Variants in AK5 observed in about 807,000 individuals in gnomAD.
The protein encoded by AK5 is adenylate kinase 5, also known as adenylate kinase isoenzyme 5.
Under a neutral mutation model 69.5 loss-of-function variants are expected in AK5, and 27 were observed. That is an observed-to-expected ratio of 0.39 (90% CI 0.29 to 0.54). The LOEUF is 0.54. Among genes scored for constraint, AK5 ranks in the 20% least tolerant of loss-of-function variants. The pLI is 0.71. For missense variants in AK5, 531 were observed against 700.4 expected (o/e 0.76, Z 2.73); for synonymous variants, 260 against 244.4 (o/e 1.06, Z -0.60).
chr1:77,556,851 C>G (rs1217562515), intron 13 of AK5, among the ~76,000 whole-genome samples: 1 of 152,078 alleles, frequency 6.6e-6, no homozygotes, highest in Non-Finnish European at 1.5e-5. Context: ...GTTAAATATA[C>G]AGATTAAAGA....
At chr1:77,459,274 A>G (rs1378436876) in intron 8 of AK5, among the ~76,000 whole-genome samples, 1 of 152,132 alleles carries the variant, frequency 6.6e-6, no homozygotes, top group Non-Finnish European at 1.5e-5. Context: ...AACTCCTTAC[A>G]TGGATTATAC....
At chr1:77,440,369 A>G (rs952756265) in intron 8 of AK5, among the ~76,000 whole-genome samples, 2 of 152,134 alleles carry the variant, frequency 1.3e-5, no homozygotes, top group African/African-American at 4.8e-5. Flanking sequence ...CCTTATAAGT[A>G]GCTCTATGCT....
chr1:77,474,426 G>C (rs549694972), intron 8 of AK5, among the ~76,000 whole-genome samples: 1 of 152,146 alleles, frequency 6.6e-6, no homozygotes, highest in South Asian at 2.1e-4. Context: ...TTACCCTCTA[G>C]AGCCTTGGGG....
At chr1:77,557,064 TC>T (rs1294207749) in intron 13 of AK5, among the ~76,000 whole-genome samples, 3 of 150,214 alleles carry the variant, frequency 2.0e-5, no homozygotes, top group East Asian at 3.9e-4. Context: ...CCTCCCTACC[TC>T]CCCCCACATA....
chr1:77,309,880 A>G (rs1010357321), intron 5 of AK5, among the ~76,000 whole-genome samples: 4 of 151,716 alleles, frequency 2.6e-5, no homozygotes, highest in Non-Finnish European at 4.4e-5. Flanking sequence ...ATCTTATAAT[A>G]TTTTCTTTCA....
intron 10 of AK5, among the ~76,000 whole-genome samples, chr1:77,515,772 C>A (rs1425746189): frequency 6.6e-6 from 1 of 152,108 alleles, no homozygotes; most frequent in Admixed American, 6.5e-5. Context: ...TGAATGTGAC[C>A]GGGCACAGTG....
intron 10 of AK5, among the ~76,000 whole-genome samples, chr1:77,487,528 A>G (rs557754364): frequency 6.6e-6 from 1 of 152,338 alleles, no homozygotes. Flanking sequence ...CACCTCCTCA[A>G]TGAGTGGGAA....
chr1:77,525,366 A>G (rs185694952), intron 12 of AK5, among the ~76,000 whole-genome samples: 4 of 152,296 alleles, frequency 2.6e-5, no homozygotes, highest in Admixed American at 6.5e-5. Flanking sequence ...GGAATACCTG[A>G]GGCTGGGTAA....
chr1:77,515,076 T>C (rs534032346), intron 10 of AK5, among the ~76,000 whole-genome samples: 1 of 152,310 alleles, frequency 6.6e-6, no homozygotes, highest in South Asian at 2.1e-4. Flanking sequence ...ACAGTAAACA[T>C]AGCATTAGCT....
At chr1:77,552,762 G>C (rs1659883107) in intron 13 of AK5, among the ~76,000 whole-genome samples, 1 of 152,222 alleles carries the variant, frequency 6.6e-6, no homozygotes, top group South Asian at 2.1e-4. Flanking sequence ...TCTTGGCCAG[G>C]CACAGTGGCT....
At chr1:77,368,284 T>TATATATAATATATATGTTATATATA (rs761353767) in intron 6 of AK5, among the ~76,000 whole-genome samples, 17 of 98,974 alleles carry the variant, frequency 1.7e-4, no homozygotes, top group East Asian at 9.8e-4. Flanking sequence ...TTATATATGT[T>TATATATAATATATATGTTATATATA]ATATATATGT....
chr1:77,306,977 CT>C (rs960229092), intron 5 of AK5, among the ~76,000 whole-genome samples: 8 of 151,734 alleles, frequency 5.3e-5, no homozygotes, highest in Admixed American at 2.6e-4. Context: ...GATCTTGTCT[CT>C]TTTTTTTCCT....
intron 5 of AK5, among the ~76,000 whole-genome samples, chr1:77,304,173 C>T (rs558372820): frequency 8.5e-5 from 13 of 152,168 alleles, no homozygotes; most frequent in African/African-American, 2.6e-4. Context: ...CCCTTATTAC[C>T]GACCCTTCCT....
intron 8 of AK5, among the ~76,000 whole-genome samples, chr1:77,427,014 T>C (rs1395796710): frequency 1.3e-5 from 2 of 152,120 alleles, no homozygotes; most frequent in East Asian, 3.8e-4. Flanking sequence ...ATTGAATGGA[T>C]ATATTTGTAT....
intron 10 of AK5, among the ~76,000 whole-genome samples, chr1:77,510,494 A>C (rs551791605): frequency 6.6e-6 from 1 of 152,266 alleles, no homozygotes; most frequent in Non-Finnish European, 1.5e-5. Flanking sequence ...GAAGAAATGG[A>C]AACAGGCAGT....
At chr1:77,287,588 A>G (rs908128105) in intron 2 of AK5, among the ~76,000 whole-genome samples, 2 of 152,254 alleles carry the variant, frequency 1.3e-5, no homozygotes, top group African/African-American at 2.4e-5. Context: ...TAAAGTTTAT[A>G]CTAGTGATAA....
In AK5 at chr1:77,283,217, G is replaced by T. The variant is rs961474285; in HGVS notation, c.60+844G>T. On this transcript the variant is annotated intron_variant, in intron 1 of 13. Coordinates refer to ENST00000354567, the MANE Select transcript of AK5 (RefSeq NM_174858.3). ...TAAGCCACAACCCCTGTCTCAGGTC[G>T]TTTGGCTTCCTTTCCTTCTCTTTGT... The T allele has an allele frequency of 2.7e-5, 27 of 985,346 alleles. No homozygotes were observed. In the East Asian group the frequency reaches 3.4e-4, roughly 12 times the overall value. 61.0% of individuals were successfully genotyped at this position (985,346 alleles called of 1,614,324 possible).
At chr1:77,417,805 C>T (rs111856911) in intron 8 of AK5, 90 bp downstream of exon 8, 6 of 773,928 alleles carry the variant, frequency 7.8e-6, no homozygotes, top group Admixed American at 5.2e-5. Context: ...TATAAAAACT[C>T]ATTTTGTGAA....
intron 8 of AK5, among the ~76,000 whole-genome samples, chr1:77,441,633 T>C (rs1477657728): frequency 1.3e-5 from 2 of 152,208 alleles, no homozygotes; most frequent in East Asian, 1.9e-4. Flanking sequence ...GTAGTGGCAG[T>C]GTTTATTGTT....
Sources: allele counts gnomAD v4.1 joint callset (sites outside exome capture counted in the v4.1 genomes callset), GRCh38; gene constraint gnomAD v4.1.1; transcripts MANE v1.5; gene names NCBI Gene and HGNC (gene_info 2026-07-23, HGNC 2026-07-21).